AFF4: variants seen among roughly 807,000 people sequenced by gnomAD.
AFF4 encodes the protein ALF transcription elongation factor 4.
AFF4 carries 13 observed loss-of-function variants against 124.8 expected under a neutral mutation model. The observed-to-expected ratio is 0.10, with a 90% CI of 0.07 to 0.17. The LOEUF (loss-of-function observed/expected upper bound fraction) is 0.17. Ranked by LOEUF, AFF4 falls within the 10% of genes least tolerant of loss-of-function variation. The probability of loss-of-function intolerance (pLI) is 1.00; values close to 1 mark genes in which losing one functional copy is unlikely to be tolerated. For missense variants in AFF4, 1,092 were observed against 1,403.8 expected (o/e 0.78, Z 3.55); for synonymous variants, 477 against 496.1 (o/e 0.96, Z 0.51).
intron 11 of AFF4, among the ~76,000 whole-genome samples, chr5:132,894,461 T>A (rs80288003): frequency 3.3e-5 from 5 of 152,232 alleles, no homozygotes; most frequent in Non-Finnish European, 5.9e-5. Context: ...GTTTTCCTTT[T>A]GCTTCAAATA....
At chr5:132,951,632 A>G (rs983622780) in intron 1 of AFF4, among the ~76,000 whole-genome samples, 6 of 152,082 alleles carry the variant, frequency 3.9e-5, no homozygotes, top group Non-Finnish European at 7.4e-5. Context: ...GGTTCAAGCA[A>G]TTCTTCTGCC....
chr5:132,928,761 G>A (rs1454071833), intron 4 of AFF4, among the ~76,000 whole-genome samples: 7 of 152,154 alleles, frequency 4.6e-5, no homozygotes, highest in Non-Finnish European at 8.8e-5. Flanking sequence ...ATCAGTCTAC[G>A]TCCTAGTTAA....
chr5:132,897,981 A>G (rs900772029), intron 10 of AFF4, among the ~76,000 whole-genome samples: 3 of 152,202 alleles, frequency 2.0e-5, no homozygotes, highest in Non-Finnish European at 4.4e-5. Flanking sequence ...CATAAAAATA[A>G]AAGACCAAAC....
chr5:132,962,806 T>TC (rs1762109938), intron 1 of AFF4, among the ~76,000 whole-genome samples: 1 of 46,276 alleles, frequency 2.2e-5, no homozygotes, highest in South Asian at 4.2e-4. Context: ...TTTTCCTTCT[T>TC]TTTTTTTTTT....
intron 1 of AFF4, among the ~76,000 whole-genome samples, chr5:132,961,097 T>G (rs1762070893): frequency 6.6e-6 from 1 of 152,066 alleles, no homozygotes; most frequent in African/African-American, 2.4e-5. Flanking sequence ...TGGTAGTGTG[T>G]ACCTGCAATC....
rs142190324 is a variant in AFF4 at position 132,944,513 on chromosome 5, G to C, written c.-4-7320C>G. 5.3e-3 allele frequency among the ~76,000 whole-genome samples: 814 copies of C among 152,220 alleles called. 6 individuals are homozygous for C. Among genetic ancestry groups the C allele is most frequent in the African/African-American group, 0.019 (769 of 41,540 alleles). On this transcript the variant is annotated intron_variant, in intron 1 of 20. Transcript: ENST00000265343. ...ATACAAAAAATTAGCTGGGTGTGGTGGCATGCGTCTGTGGTCCCAGCTACT... is the reference window on the plus strand; with the variant it reads ...ATACAAAAAATTAGCTGGGTGTGGTCGCATGCGTCTGTGGTCCCAGCTACT...
At chr5:132,945,960 T>C (rs1246802153) in intron 1 of AFF4, among the ~76,000 whole-genome samples, 1 of 151,950 alleles carries the variant, frequency 6.6e-6, no homozygotes, top group Non-Finnish European at 1.5e-5. Context: ...CTCGGGAGGA[T>C]GAGGCAGGAG....
chr5:132,918,192 A>C (rs1760960030), intron 5 of AFF4, among the ~76,000 whole-genome samples: 2 of 151,650 alleles, frequency 1.3e-5, no homozygotes, highest in Non-Finnish European at 2.9e-5. Context: ...CAGGAGTTCG[A>C]GACTATCCTG....
At chr5:132,949,847 CAAAAAAAA>C (rs113489900) in intron 1 of AFF4, among the ~76,000 whole-genome samples, 1 of 100,200 alleles carries the variant, frequency 1.0e-5, no homozygotes, top group African/African-American at 3.4e-5. Context: ...GACTCTGTCT[CAAAAAAAA>C]AAAAAAAAAA....
At chr5:132,954,545 T>C (rs1761910940) in intron 1 of AFF4, among the ~76,000 whole-genome samples, 1 of 127,840 alleles carries the variant, frequency 7.8e-6, no homozygotes, top group African/African-American at 3.2e-5. Flanking sequence ...CAAACAATGC[T>C]CTTTTTTTTT....
At chr5:132,898,920 AAC>A (rs1325541658) in intron 9 of AFF4, among the ~76,000 whole-genome samples, 182 bp downstream of exon 9, 2 of 152,240 alleles carry the variant, frequency 1.3e-5, no homozygotes, top group South Asian at 2.1e-4. Context: ...ACCTTTTAAA[AAC>A]AGTTTGAGGT....
At chr5:132,950,586 T>A (rs190992559) in intron 1 of AFF4, among the ~76,000 whole-genome samples, 1 of 151,896 alleles carries the variant, frequency 6.6e-6, no homozygotes, top group Non-Finnish European at 1.5e-5. Flanking sequence ...GAGGCAGAGG[T>A]TGCAGTGAGC....
In AFF4 at chr5:132,896,604, C is replaced by G. The variant is rs1205010458; in HGVS notation, c.2026G>C (p.Val676Leu). 5 of 1,614,054 alleles carry G rather than the reference C, an allele frequency of 3.1e-6. No homozygotes were observed. The highest frequency in any genetic ancestry group is 4.2e-6 in the Non-Finnish European group (5 of 1,180,014). Residue 676 changes from valine to leucine, a missense_variant, in exon 11 of 21, where the codon GTT becomes CTT. By Grantham distance (32) the Val-to-Leu change is conservative. Around this residue, in one of 11 missense-constraint regions of AFF4, gnomAD observed 293 missense variants for 280.2 expected, o/e 1.05. Coordinates refer to ENST00000265343, the MANE Select transcript of AFF4 (RefSeq NM_014423.4). ...PKYPESNRTP[V>L]KPSSVEEEDS... ...TCTTCCTCCACTGAGGAGGGTTTAA[C>G]AGGAGTCCTATTGCTCTCGGGGTAC... is the stretch of plus-strand genomic sequence containing the variant.
chr5:132,932,107 G>A (rs1314020555), intron 4 of AFF4, 71 bp downstream of exon 4: 3 of 1,105,642 alleles, frequency 2.7e-6, no homozygotes, highest in Non-Finnish European at 3.9e-6. Flanking sequence ...AATACAGGTA[G>A]AAAGAGGGTA....
intron 1 of AFF4, among the ~76,000 whole-genome samples, chr5:132,950,146 AT>A (rs1267896386): frequency 7.9e-5 from 12 of 152,074 alleles, no homozygotes; most frequent in Admixed American, 2.0e-4. Flanking sequence ...CCTGGCCAAC[AT>A]GGTGAAACCC....
rs745992200 is a variant in AFF4 at position 132,934,650 on chromosome 5, C to T, written c.415G>A (p.Gly139Ser). The change falls in exon 3 of 21, where the codon GGT becomes AGT. Residue 139 changes from glycine (G) to serine (S), a missense_variant. Gly to Ser is a moderately conservative substitution (Grantham distance 56). Coordinates refer to ENST00000265343, the MANE Select transcript of AFF4 (RefSeq NM_014423.4). ...CTACTGTTAGTGCCACTACTGCTACCTGCGCTGGTCCGCTGGCTACTATGT... is the reference window on the plus strand; with the variant it reads ...CTACTGTTAGTGCCACTACTGCTACTTGCGCTGGTCCGCTGGCTACTATGT... The part of the protein sequence containing the change: ...SGHSSQRTSA[G>S]SSSGTNSSGQ... 1 of 1,614,142 alleles carries T rather than the reference C, an allele frequency of 6.2e-7. No homozygotes were observed. The highest frequency in any genetic ancestry group is 1.1e-5 in the South Asian group (1 of 91,078).
At chr5:132,917,076 C>A (rs887216810) in intron 5 of AFF4, among the ~76,000 whole-genome samples, 1 of 151,836 alleles carries the variant, frequency 6.6e-6, no homozygotes, top group Admixed American at 6.6e-5. Context: ...ATGTGCCACG[C>A]GCCCAGCTAA....
intron 5 of AFF4, among the ~76,000 whole-genome samples, chr5:132,926,523 A>C (rs1761174000): frequency 6.6e-6 from 1 of 150,840 alleles, no homozygotes; most frequent in Non-Finnish European, 1.5e-5. Flanking sequence ...AATAGTCTGC[A>C]ATAAATACCA....
intron 3 of AFF4, 57 bp downstream of exon 3, chr5:132,934,090 G>T: frequency 6.6e-7 from 1 of 1,517,738 alleles, no homozygotes; most frequent in South Asian, 1.3e-5. Flanking sequence ...GTAATTTCAT[G>T]ATCAGTCAAT....
Sources: gnomAD v4.1 joint callset for allele counts (sites outside exome capture counted in the v4.1 genomes callset) on GRCh38, gnomAD v4.1.1 for gene constraint, gnomAD v4.1.1 regional missense constraint, MANE v1.5 for transcripts, NCBI Gene and HGNC (gene_info 2026-07-23, HGNC 2026-07-21) for gene names.